The following CNIH4 variants were observed in gnomAD, a reference collection of about 807,000 sequenced individuals.
CNIH4 encodes cornichon family member 4, also known as protein cornichon homolog 4.
Under a neutral mutation model 21.5 loss-of-function variants are expected in CNIH4, and 9 were observed. The ratio of observed to expected loss-of-function variants is 0.42; its 90% CI spans 0.25 to 0.73. The LOEUF is 0.73. CNIH4 is among the 30% of genes least tolerant of loss of function. CNIH4 has a pLI of 0.27. For missense variants in CNIH4, 159 were observed against 170.0 expected, an observed-to-expected ratio of 0.94 and a Z score of 0.36; for synonymous variants, 67 against 59.1, an observed-to-expected ratio of 1.13 and a Z score of -0.61.
At chr1:224,370,192 G>A (rs189909599) in intron 3 of CNIH4, among the ~76,000 whole-genome samples, 4 of 152,158 alleles carry the variant, frequency 2.6e-5, no homozygotes, top group Admixed American at 2.6e-4. Context: ...GTCCCAGTTG[G>A]GTAAGAGGAA....
chr1:224,367,860 A>G (rs1219753026), intron 3 of CNIH4, among the ~76,000 whole-genome samples: 1 of 152,240 alleles, frequency 6.6e-6, no homozygotes, highest in Non-Finnish European at 1.5e-5. Context: ...ACTTAAGTGA[A>G]ACACAACTTT....
intron 3 of CNIH4, among the ~76,000 whole-genome samples, chr1:224,366,256 G>C (rs1203674065): frequency 6.6e-6 from 1 of 152,050 alleles, no homozygotes; most frequent in Non-Finnish European, 1.5e-5. Flanking sequence ...TGGCCCGGCT[G>C]GTCTTGAACT....
chr1:224,356,896 G>C lies in CNIH4; in HGVS notation c.-29G>C. 1 of 1,584,818 alleles carries C rather than the reference G, an allele frequency of 6.3e-7. No individual in the cohort carries two copies. The highest frequency in any genetic ancestry group is 8.6e-7 in the Non-Finnish European group (1 of 1,162,040). On this transcript the variant is annotated 5_prime_UTR_variant, in exon 1 of 5. Transcript: ENST00000465271. ...GTCGGGGCATCCGAGCGGGTTTGAC[G>C]GAAGGAGCGGCGGCGACGGAGGAGG...
intron 3 of CNIH4, among the ~76,000 whole-genome samples, chr1:224,369,574 T>C (rs1672563631): frequency 6.6e-6 from 1 of 151,868 alleles, no homozygotes; most frequent in Admixed American, 6.6e-5. Context: ...AGATTACGTC[T>C]AAAAATAATA....
Position 224,377,935 on chromosome 1 carries a change from A to AT in CNIH4, c.*2114dup, listed in dbSNP as rs1572138942. The AT allele has an allele frequency of 6.6e-6, 1 of 152,336 alleles. No homozygotes were observed. Among genetic ancestry groups the AT allele is most frequent in the Admixed American group, 6.5e-5 (1 of 15,308 alleles). 9.4% of individuals were successfully genotyped at this position (152,336 alleles called of 1,614,324 possible). On this transcript the variant is annotated 3_prime_UTR_variant, in exon 5 of 5. Transcript: ENST00000465271. ...AGCAAATCAGAAAGGTGCCATGTTT[A>AT]TAACAGAGGTCAAAGCTCCTTACTT...
At chr1:224,357,975 C>T (rs1352964412) in intron 1 of CNIH4, among the ~76,000 whole-genome samples, 1 of 152,204 alleles carries the variant, frequency 6.6e-6, no homozygotes, top group Non-Finnish European at 1.5e-5. Flanking sequence ...AGCTTCCTTT[C>T]TTGGAAATCA....
chr1:224,374,572 G>T (rs1215570385), intron 4 of CNIH4, among the ~76,000 whole-genome samples: 3 of 152,046 alleles, frequency 2.0e-5, no homozygotes, highest in Non-Finnish European at 4.4e-5. Context: ...ACGCCACCAT[G>T]CCCGGCTAAT....
chr1:224,363,508 GA>G (rs1366476209), intron 2 of CNIH4, among the ~76,000 whole-genome samples: 1 of 152,138 alleles, frequency 6.6e-6, no homozygotes, highest in Non-Finnish European at 1.5e-5. Context: ...CATCCAGGCT[GA>G]AGTACAGTGG....
intron 2 of CNIH4, 90 bp from the exon 3 acceptor site, chr1:224,365,789 C>A (rs1342639730): frequency 1.2e-6 from 1 of 837,520 alleles, no homozygotes. Flanking sequence ...CTTGTAAATT[C>A]TCTGTACGTT....
Position 224,377,070 on chromosome 1 carries a change from G to A in CNIH4, c.*1248G>A, listed in dbSNP as rs1023722261. 2 of 307,094 alleles carry A rather than the reference G, an allele frequency of 6.5e-6. No homozygotes were observed. Among genetic ancestry groups the A allele is most frequent in the African/African-American group, 2.3e-5 (1 of 44,254 alleles). The allele number at this position is 307,094 out of a possible 1,614,324, so 19.0% of individuals were successfully genotyped here. A position where few individuals can be genotyped will look rare whatever the true frequency, so the allele number is the denominator to read the frequency against. ...TCCTTTTAGTCCTTGACCAGGTCTA[G>A]CCTTGGCAGAAGCAAGGGAGCCACT... On this transcript the variant is annotated 3_prime_UTR_variant, in exon 5 of 5. Coordinates refer to ENST00000465271, the MANE Select transcript of CNIH4 (RefSeq NM_014184.4).
At chr1:224,362,467 C>T (rs1323315701) in intron 2 of CNIH4, among the ~76,000 whole-genome samples, 1 of 145,846 alleles carries the variant, frequency 6.9e-6, no homozygotes, top group African/African-American at 2.5e-5. Context: ...TGAAATTTTA[C>T]AGTGCTGTAT....
intron 4 of CNIH4, 150 bp downstream of exon 4, chr1:224,371,573 A>T: frequency 1.3e-6 from 1 of 756,822 alleles, no homozygotes; most frequent in Non-Finnish European, 2.1e-6. Context: ...TATGTATGTC[A>T]TTGAATCAGC....
At chr1:224,369,986 G>C (rs549219230) in intron 3 of CNIH4, among the ~76,000 whole-genome samples, 1 of 151,836 alleles carries the variant, frequency 6.6e-6, no homozygotes. Context: ...ACCCTGATGG[G>C]ATTAGTACAC....
intron 4 of CNIH4, 125 bp from the exon 5 acceptor site, chr1:224,375,666 TATGA>T (rs1017851044): frequency 2.1e-6 from 2 of 964,464 alleles, no homozygotes; most frequent in African/African-American, 3.3e-5. Context: ...TTCCTTTGGG[TATGA>T]ATGATTGTCT....
At chr1:224,357,578 G>C (rs1672154385) in intron 1 of CNIH4, 1 of 152,196 alleles carries the variant, frequency 6.6e-6, no homozygotes, top group Admixed American at 6.5e-5. Flanking sequence ...TTCGCCAAAG[G>C]AGCGAAGTTG....
chr1:224,378,416 C>T lies in CNIH4; in HGVS notation c.*2594C>T, dbSNP rs1672837306. 6.6e-6 allele frequency: 1 copy of T among 152,266 alleles called. No homozygotes were observed. The allele number at this position is 152,266 out of a possible 1,614,324, so 9.4% of individuals were successfully genotyped here. On this transcript the variant is annotated 3_prime_UTR_variant, in exon 5 of 5. Transcript: ENST00000465271. ...GATAAAAGCACTGACTTTAAAAAGC[C>T]ATGTTTAAGATGCTATAAATGTTCT...
At chr1:224,365,821 C>T in intron 2 of CNIH4, 58 bp from the exon 3 acceptor site, 1 of 995,590 alleles carries the variant, frequency 1.0e-6, no homozygotes, top group South Asian at 1.3e-5. Context: ...TTTCAAATAA[C>T]ATGTACAGTC....
rs73123788 is a variant in CNIH4, at chr1:224,376,539, G to A, written c.*717G>A. The A allele has an allele frequency of 0.019, 18,828 of 985,268 alleles. 2,165 individuals carry two copies. In the African/African-American group the frequency reaches 0.27, roughly 14 times the overall value. 61.0% of individuals were successfully genotyped at this position (985,268 alleles called of 1,614,324 possible). The stretch of plus-strand genomic sequence containing the variant: ...ACTGGCTCTTGCCAGTCTGGTTTTC[G>A]TATTGCAGTTATTCCAATTGTATTT... On this transcript the variant is annotated 3_prime_UTR_variant, in exon 5 of 5. Coordinates refer to ENST00000465271, the MANE Select transcript of CNIH4 (RefSeq NM_014184.4).
intron 2 of CNIH4, 57 bp downstream of exon 2, chr1:224,360,620 A>T: frequency 1.1e-6 from 1 of 875,262 alleles, no homozygotes; most frequent in East Asian, 2.8e-5. Context: ...TTCCATACTT[A>T]AGATTATTAT....
Sources: allele counts gnomAD v4.1 joint callset (sites outside exome capture counted in the v4.1 genomes callset), GRCh38; gene constraint gnomAD v4.1.1; transcripts MANE v1.5; gene names NCBI Gene and HGNC (gene_info 2026-07-23, HGNC 2026-07-21).